The following MOK variants were observed in gnomAD, a reference collection of about 807,000 sequenced individuals.
MOK encodes MOK protein kinase.
Under a neutral mutation model 54.2 loss-of-function variants are expected in MOK, and 59 were observed. The observed-to-expected ratio is 1.09, with a 90% confidence interval of 0.88 to 1.35. The LOEUF (loss-of-function observed/expected upper bound fraction) is 1.35. Ranked by LOEUF, MOK falls within the 40% of genes most tolerant of loss-of-function variation. The pLI, the probability that MOK is intolerant of heterozygous loss-of-function variation, is 0.00. For synonymous variants in MOK, 210 were observed against 202.7 expected (o/e 1.04, Z -0.31); for missense variants, 517 against 526.2 (o/e 0.98, Z 0.17).
chr14:102,255,250 G>A (rs1436535693), intron 4 of MOK, among the ~76,000 whole-genome samples: 3 of 152,160 alleles, frequency 2.0e-5, no homozygotes, highest in South Asian at 2.1e-4. Context: ...CCTGGGAGGC[G>A]GAGCTTGCAG....
the MOK span, among the ~76,000 whole-genome samples, chr14:102,216,565 GTTTTT>G: frequency 1.3e-5 from 2 of 152,120 alleles, no homozygotes; most frequent in Admixed American, 1.3e-4. Context: ...AGCAAGTTTT[GTTTTT>G]TTAAGAAAAC....
chr14:102,263,643 T>C (rs2067658626), intron 3 of MOK, 27 bp from the exon 4 acceptor site: 1 of 1,538,192 alleles, frequency 6.5e-7, no homozygotes, highest in Non-Finnish European at 8.9e-7. Flanking sequence ...GTTTTTAAAA[T>C]AAATTTTCTG....
intron 1 of MOK, among the ~76,000 whole-genome samples, chr14:102,302,922 G>A (rs999118495): frequency 1.3e-5 from 2 of 151,502 alleles, no homozygotes; most frequent in African/African-American, 4.8e-5. Context: ...AACACTTTGG[G>A]AGGCTGAGGC....
chr14:102,301,050 G>A (rs993785018), intron 1 of MOK, among the ~76,000 whole-genome samples: 1 of 152,150 alleles, frequency 6.6e-6, no homozygotes, highest in Middle Eastern at 3.2e-3. Flanking sequence ...AGCCAAGATT[G>A]TGCCACTGTA....
intron 4 of MOK, among the ~76,000 whole-genome samples, chr14:102,254,664 C>T (rs1647064872): frequency 1.3e-5 from 2 of 152,176 alleles, no homozygotes; most frequent in South Asian, 4.1e-4. Flanking sequence ...CTGTCCCTCC[C>T]CATCTCCACC....
intron 7 of MOK, chr14:102,246,208 C>T (rs2066079247): frequency 6.6e-6 from 1 of 152,112 alleles, no homozygotes; most frequent in Admixed American, 6.5e-5. Flanking sequence ...CCTAGATGCC[C>T]TGCTTTTGTC....
chr14:102,224,037 A>ATTTTTT (rs533802492), downstream of MOK, among the ~76,000 whole-genome samples: 10 of 123,124 alleles, frequency 8.1e-5, no homozygotes, highest in African/African-American at 2.5e-4. Flanking sequence ...TTTACCTGAG[A>ATTTTTT]TTTTTTTTTT....
chr14:102,287,285 A>G (rs2070233114), intron 1 of MOK, among the ~76,000 whole-genome samples: 2 of 152,086 alleles, frequency 1.3e-5, no homozygotes, highest in African/African-American at 4.8e-5. Context: ...CCTGGCCAAC[A>G]TGGCGAAACT....
At chr14:102,244,375 C>A (rs2065934200) in intron 7 of MOK, among the ~76,000 whole-genome samples, 1 of 152,232 alleles carries the variant, frequency 6.6e-6, no homozygotes, top group Non-Finnish European at 1.5e-5. Flanking sequence ...CTCCTTCCAG[C>A]CTCACAGGCC....
chr14:102,253,046 C>T (rs2153112914), intron 4 of MOK, among the ~76,000 whole-genome samples: 1 of 152,358 alleles, frequency 6.6e-6, no homozygotes, highest in East Asian at 1.9e-4. Flanking sequence ...CATAGTGACT[C>T]TGCTGCTGCT....
At position 102,229,879 on chromosome 14, in the gene MOK, C is replaced by A. The variant is rs545524941; in HGVS notation, c.982-222G>T. ...ACCTTCAGGGGGAACCTGAAGAATG[C>A]CGACTGCAAGCTGAGCAGTGCGGGC... On this transcript the variant is annotated intron_variant, in intron 10 of 11. Coordinates refer to ENST00000361847, the MANE Select transcript of MOK (RefSeq NM_014226.3). The A allele has an allele frequency of 3.6e-5, 20 of 554,334 alleles. No individual in the cohort carries two copies. In the African/African-American group the frequency reaches 3.8e-4, roughly 10 times the overall value. 34.3% of individuals were successfully genotyped at this position (554,334 alleles called of 1,614,324 possible). A position where few individuals can be genotyped will look rare whatever the true frequency, so the allele number is the denominator to read the frequency against.
the MOK span, among the ~76,000 whole-genome samples, chr14:102,217,539 C>G: frequency 6.6e-6 from 1 of 152,216 alleles, no homozygotes; most frequent in African/African-American, 2.4e-5. Flanking sequence ...CACTGCCCAG[C>G]TATAACTGAG....
At position 102,240,081 on chromosome 14, in the gene MOK, TCTC is replaced by T. The variant is rs1282926113; in HGVS notation, c.591-6295_591-6293del. 1.3e-5 allele frequency among the ~76,000 whole-genome samples: 2 copies of T among 152,100 alleles called. No individual in the cohort carries two copies. The highest frequency in any genetic ancestry group is 2.9e-5 in the Non-Finnish European group (2 of 68,000). On this transcript the variant is annotated intron_variant, in intron 7 of 11. Coordinates refer to ENST00000361847, the MANE Select transcript of MOK (RefSeq NM_014226.3). The surrounding 1 kb of genome is among the most constrained non-coding windows in gnomAD (Gnocchi z 5.4). Reference sequence around the variant, plus strand: ...GATGACATTACCTTGTGAAATTCCTTCTCCTGGCTCAGAAGCTTCCACACTGAG... The same window carrying T: ...GATGACATTACCTTGTGAAATTCCTTCTGGCTCAGAAGCTTCCACACTGAG...
intron 1 of MOK, among the ~76,000 whole-genome samples, chr14:102,286,159 C>T (rs1395093442): frequency 1.3e-5 from 2 of 151,152 alleles, no homozygotes; most frequent in African/African-American, 4.9e-5. Context: ...ATTAGCCGGG[C>T]GTGGTGGCGG....
intron 1 of MOK, among the ~76,000 whole-genome samples, chr14:102,302,961 A>G (rs1225958601): frequency 6.6e-6 from 1 of 151,632 alleles, no homozygotes; most frequent in Non-Finnish European, 1.5e-5. Context: ...CAGGAGTTTG[A>G]GACCAGCCTG....
chr14:102,285,887 T>C (rs981570527), intron 1 of MOK, among the ~76,000 whole-genome samples: 13 of 151,486 alleles, frequency 8.6e-5, no homozygotes, highest in African/African-American at 3.2e-4. Flanking sequence ...AGCAAAACTC[T>C]GTCTCAAAAA....
chr14:102,223,977 A>G (rs1363463562), downstream of MOK, among the ~76,000 whole-genome samples: 1 of 151,102 alleles, frequency 6.6e-6, no homozygotes, highest in East Asian at 1.9e-4. Flanking sequence ...CACATAACAC[A>G]GTTTCTACAG....
chr14:102,274,213 T>G (rs1339192296), intron 2 of MOK, among the ~76,000 whole-genome samples: 1 of 150,876 alleles, frequency 6.6e-6, no homozygotes, highest in African/African-American at 2.4e-5. Flanking sequence ...CGCCTCGGCC[T>G]CCCAAAGTGC....
chr14:102,273,466 T>C (rs1479647268), intron 2 of MOK, among the ~76,000 whole-genome samples: 1 of 152,034 alleles, frequency 6.6e-6, no homozygotes, highest in Non-Finnish European at 1.5e-5. Context: ...CGTAAGACCT[T>C]TTCAGTGAAA....
Sources: gnomAD v4.1 joint callset for allele counts (sites outside exome capture counted in the v4.1 genomes callset) on GRCh38, gnomAD v4.1.1 for gene constraint, Gnocchi (gnomAD v3.1) non-coding constraint, MANE v1.5 for transcripts, NCBI Gene and HGNC (gene_info 2026-07-23, HGNC 2026-07-21) for gene names.